CDYL2: variants seen among roughly 807,000 people sequenced by gnomAD.
The protein encoded by CDYL2 is chromodomain Y-like protein 2.
Under a neutral mutation model 49.4 loss-of-function variants are expected in CDYL2, and 23 were observed. The ratio of observed to expected loss-of-function variants is 0.47; its 90% CI spans 0.34 to 0.66. The LOEUF is 0.66. Ranked by LOEUF, CDYL2 falls within the 30% of genes least tolerant of loss-of-function variation. The probability of loss-of-function intolerance (pLI) is 0.01; values close to 1 mark genes in which losing one functional copy is unlikely to be tolerated. For synonymous variants in CDYL2, 360 were observed against 268.8 expected (o/e 1.34, Z -3.32); for missense variants, 678 against 656.4 (o/e 1.03, Z -0.36).
intron 1 of CDYL2, among the ~76,000 whole-genome samples, chr16:80,744,516 GCA>G (rs1905858705): frequency 6.6e-6 from 1 of 152,160 alleles, no homozygotes; most frequent in African/African-American, 2.4e-5. Context: ...GCATGTAGGA[GCA>G]CCCTATAGAA....
chr16:80,749,195 T>C (rs1052874328), intron 1 of CDYL2, among the ~76,000 whole-genome samples: 1 of 152,236 alleles, frequency 6.6e-6, no homozygotes, highest in African/African-American at 2.4e-5. Context: ...CTGGTATTCT[T>C]ATTTTAATTT....
Position 80,606,496 on chromosome 16 carries a change from G to A in CDYL2, c.1362+1596C>T, listed in dbSNP as rs115098597. Among the ~76,000 whole-genome samples the A allele has an allele frequency of 4.5e-3, 692 of 152,092 alleles. 4 individuals carry two copies. Among genetic ancestry groups the A allele is most frequent in the African/African-American group, 0.015 (604 of 41,472 alleles). On this transcript the variant is annotated intron_variant, in intron 6 of 6. Coordinates refer to ENST00000570137, the MANE Select transcript of CDYL2 (RefSeq NM_152342.4). ...CAGTCACATGTTTCCTAGCATCCCCGTGCCACCTGACTGCACACTGCTGCC... is the reference window on the plus strand; with the variant it reads ...CAGTCACATGTTTCCTAGCATCCCCATGCCACCTGACTGCACACTGCTGCC...
chr16:80,753,876 C>T (rs1283140210), intron 1 of CDYL2, among the ~76,000 whole-genome samples: 2 of 152,114 alleles, frequency 1.3e-5, no homozygotes, highest in African/African-American at 2.4e-5. Context: ...ATTTATGATA[C>T]ATATTTCTTA....
intron 1 of CDYL2, among the ~76,000 whole-genome samples, chr16:80,728,290 C>T (rs1905227944): frequency 6.6e-6 from 1 of 151,768 alleles, no homozygotes; most frequent in African/African-American, 2.4e-5. Context: ...TCGAGAACTA[C>T]ATGAAGAATG....
rs145348908 is a variant in CDYL2 at position 80,598,654 on chromosome 16, C to T, written c.*5734G>A. The T allele has an allele frequency of 6.6e-6, 1 of 152,212 alleles. No individual in the cohort carries two copies. The highest frequency in any genetic ancestry group is 1.9e-4 in the East Asian group (1 of 5,174). The allele number at this position is 152,212 out of a possible 1,614,324, so 9.4% of individuals were successfully genotyped here. A position where few individuals can be genotyped will look rare whatever the true frequency, so the allele number is the denominator to read the frequency against. On this transcript the variant is annotated 3_prime_UTR_variant, in exon 7 of 7. Coordinates refer to ENST00000570137, the MANE Select transcript of CDYL2 (RefSeq NM_152342.4). ...CAGATAACCTGGAGGAGTACCAGGC[C>T]TCCACTTTTATGATATGGATACAGG... is the stretch of plus-strand genomic sequence containing the variant.
chr16:80,660,789 A>G (rs757497155), intron 2 of CDYL2, among the ~76,000 whole-genome samples: 23 of 152,230 alleles, frequency 1.5e-4, no homozygotes, highest in Non-Finnish European at 3.2e-4. Context: ...AAACTGCCCA[A>G]TCAATAGAGA....
chr16:80,613,160 C>T (rs1906678714), intron 4 of CDYL2, among the ~76,000 whole-genome samples: 1 of 151,986 alleles, frequency 6.6e-6, no homozygotes, highest in Non-Finnish European at 1.5e-5. Flanking sequence ...TAGATATTGA[C>T]AGAATTTCTA....
chr16:80,644,403 G>C (rs924787723), intron 2 of CDYL2, among the ~76,000 whole-genome samples: 1 of 152,162 alleles, frequency 6.6e-6, no homozygotes, highest in Non-Finnish European at 1.5e-5. Flanking sequence ...ATCTCTGCCT[G>C]TTACCCAGTT....
intron 1 of CDYL2, among the ~76,000 whole-genome samples, chr16:80,724,325 G>A (rs1399571949): frequency 6.6e-6 from 1 of 151,988 alleles, no homozygotes; most frequent in Non-Finnish European, 1.5e-5. Context: ...ATGGGAAGAG[G>A]AAGAGGAGGA....
chr16:80,714,871 G>C lies in CDYL2; in HGVS notation c.25-29742C>G, dbSNP rs1218670960. 3.3e-5 allele frequency among the ~76,000 whole-genome samples: 5 copies of C among 152,130 alleles called. No individual in the cohort carries two copies. In the East Asian group the frequency reaches 5.8e-4, roughly 18 times the overall value. On this transcript the variant is annotated intron_variant, in intron 1 of 6. Transcript: ENST00000570137. ...CAAATGAAAGGTGAGCATTTACAAA[G>C]CTCCTTTAGTGGCCAGGCAGATTTC...
chr16:80,686,530 C>G (rs1910201675), intron 1 of CDYL2, among the ~76,000 whole-genome samples: 1 of 150,778 alleles, frequency 6.6e-6, no homozygotes, highest in African/African-American at 2.5e-5. Flanking sequence ...AAAAATAAAA[C>G]AGGTGAGCAA....
At chr16:80,661,701 T>C (rs2142435817) in intron 2 of CDYL2, among the ~76,000 whole-genome samples, 1 of 152,278 alleles carries the variant, frequency 6.6e-6, no homozygotes, top group Admixed American at 6.5e-5. Flanking sequence ...GAGCCTAGTC[T>C]TTGCTGAACA....
At chr16:80,777,689 A>T (rs1300213982) in intron 1 of CDYL2, among the ~76,000 whole-genome samples, 5 of 152,140 alleles carry the variant, frequency 3.3e-5, no homozygotes, top group African/African-American at 1.2e-4. Flanking sequence ...AAGTCACTGA[A>T]CATGCTGTCT....
At chr16:80,681,600 T>A (rs1454421263) in intron 2 of CDYL2, among the ~76,000 whole-genome samples, 1 of 152,150 alleles carries the variant, frequency 6.6e-6, no homozygotes. Context: ...CTCTTCCCAG[T>A]TCCCCCAGAC....
intron 2 of CDYL2, among the ~76,000 whole-genome samples, chr16:80,647,970 TG>T (rs1908423202): frequency 6.6e-6 from 1 of 151,992 alleles, no homozygotes; most frequent in African/African-American, 2.4e-5. Context: ...CAAATGATAG[TG>T]GAAACAAAAT....
chr16:80,641,194 T>C (rs1302533922), intron 2 of CDYL2, among the ~76,000 whole-genome samples: 4 of 152,024 alleles, frequency 2.6e-5, no homozygotes, highest in Non-Finnish European at 5.9e-5. Context: ...AAAGAAAAGA[T>C]TCCAAAAGCA....
chr16:80,785,036 G>A (rs1277937948), intron 1 of CDYL2, among the ~76,000 whole-genome samples: 1 of 152,154 alleles, frequency 6.6e-6, no homozygotes, highest in East Asian at 1.9e-4. Context: ...TGTTAGCCAA[G>A]CCTGGAAAGG....
chr16:80,633,154 G>C lies in CDYL2; in HGVS notation c.699C>G (p.Asp233Glu), dbSNP rs973491854. Residue 233 changes from aspartate (D) to glutamate (E), a missense_variant, in exon 3 of 7, where the codon GAC (aspartate) becomes GAG (glutamate). Around this residue, in one of 3 missense-constraint regions of CDYL2, gnomAD observed 478 missense variants for 427.0 expected, o/e 1.12. Transcript: ENST00000570137. ...KLEAEKDYVFDKRLRYSVRQN... is the reference protein window; with the variant it reads ...KLEAEKDYVFEKRLRYSVRQN... ...GGCGGACACTGTATCTGAGCCTTTT[G>C]TCAAAGACGTAGTCCTTCTCCGCTT... 3.1e-6 allele frequency: 5 copies of C among 1,614,096 alleles called. No individual in the cohort carries two copies. In the Admixed American group the frequency reaches 6.7e-5, roughly 22 times the overall value.
rs146940087 is a variant in CDYL2 at position 80,763,554 on chromosome 16, G to T, written c.24+40596C>A. On this transcript the variant is annotated intron_variant, in intron 1 of 6. Transcript: ENST00000570137. ...TTGAACCCAGAAGGCAGAGGTTGCC[G>T]TGAACCAAGATCGTGCCACTGCACT... Among the ~76,000 whole-genome samples the T allele has an allele frequency of 9.9e-5, 15 of 152,118 alleles. No homozygotes were observed. The East Asian group carries it at 2.9e-3, about 30-fold the overall frequency.
Sources: gnomAD v4.1 joint callset for allele counts (sites outside exome capture counted in the v4.1 genomes callset) on GRCh38, gnomAD v4.1.1 for gene constraint, gnomAD v4.1.1 regional missense constraint, MANE v1.5 for transcripts, NCBI Gene and HGNC (gene_info 2026-07-23, HGNC 2026-07-21) for gene names.